The following SRBD1 variants were observed in gnomAD, a reference collection of about 807,000 sequenced individuals.
SRBD1 encodes S1 RNA-binding domain-containing protein 1.
In SRBD1, 88 loss-of-function variants were observed where a neutral mutation model predicts 115.3. That is an observed-to-expected ratio of 0.76 (90% CI 0.64 to 0.91). SRBD1 has a LOEUF of 0.91. Ranked by LOEUF, SRBD1 falls within the 40% of genes least tolerant of loss-of-function variation. The pLI is 0.00. For missense variants in SRBD1, 1,385 were observed against 1,177.4 expected (o/e 1.18, Z -2.58); for synonymous variants, 509 against 407.7 (o/e 1.25, Z -2.99).
chr2:45,545,033 C>A (rs181369656), intron 14 of SRBD1, among the ~76,000 whole-genome samples: 2 of 152,078 alleles, frequency 1.3e-5, no homozygotes, highest in East Asian at 1.9e-4. Context: ...GTAATCGCAG[C>A]ACTTTGGGAG....
chr2:45,585,404 T>C (rs1673486770), intron 5 of SRBD1, among the ~76,000 whole-genome samples: 1 of 152,210 alleles, frequency 6.6e-6, no homozygotes, highest in Non-Finnish European at 1.5e-5. Context: ...AATGACCTTT[T>C]TGCTAATACA....
intron 14 of SRBD1, among the ~76,000 whole-genome samples, chr2:45,536,387 G>A (rs1306627814): frequency 1.3e-5 from 2 of 151,686 alleles, no homozygotes; most frequent in African/African-American, 4.8e-5. Flanking sequence ...TACTCTAATA[G>A]GTAGAAGACT....
Position 45,561,061 on chromosome 2 carries a change from A to G in SRBD1, c.1409+1592T>C, listed in dbSNP as rs1572778106. ...GATTGAGGCTGTAGTGAGCTATGAT[A>G]GCACCTGTGTGCTCCAGCCTAGGCA... On this transcript the variant is annotated intron_variant, in intron 10 of 20. Coordinates refer to ENST00000263736, the MANE Select transcript of SRBD1 (RefSeq NM_018079.5). 3.3e-5 allele frequency among the ~76,000 whole-genome samples: 5 copies of G among 152,264 alleles called. No individual in the cohort carries two copies. The South Asian group carries it at 1.0e-3, about 32-fold the overall frequency.
In SRBD1 at chr2:45,546,800, C is replaced by G. The variant is rs1405301062; in HGVS notation, c.1806G>C (p.Arg602Ser). The G allele has an allele frequency of 6.2e-7, 1 of 1,614,068 alleles. No individual in the cohort carries two copies. ...GGTCAGCAAAGTAAGCTTCTGTTTCCCTGCAGGCAGTTCCATTTCCAATCA... is the reference window on the plus strand; with the variant it reads ...GGTCAGCAAAGTAAGCTTCTGTTTCGCTGCAGGCAGTTCCATTTCCAATCA... The part of the protein sequence containing the change: ...TVVIGNGTAC[R>S]ETEAYFADLI... Residue 602 changes from arginine to serine, a missense_variant, in exon 14 of 21, where the codon AGG (arginine) becomes AGC (serine). By Grantham distance (110) the Arg-to-Ser change is moderately radical. Coordinates refer to ENST00000263736, the MANE Select transcript of SRBD1 (RefSeq NM_018079.5).
At position 45,581,826 on chromosome 2, in the gene SRBD1, T is replaced by G; in HGVS notation, c.816-16A>C. The stretch of plus-strand genomic sequence containing the variant: ...TGCAACAGCCCTGAAAAGAGAAACT[T>G]TTGTAATATACCAAAACTGTATGTC... On this transcript the variant is annotated splice_polypyrimidine_tract_variant and intron_variant, in intron 5 of 20. Coordinates refer to ENST00000263736, the MANE Select transcript of SRBD1 (RefSeq NM_018079.5). 6.8e-7 allele frequency: 1 copy of G among 1,469,368 alleles called. No homozygotes were observed. The highest frequency in any genetic ancestry group is 9.2e-7 in the Non-Finnish European group (1 of 1,092,752). 91.0% of individuals were successfully genotyped at this position (1,469,368 alleles called of 1,614,324 possible).
Position 45,602,007 on chromosome 2 carries a change from G to C in SRBD1, c.157C>G (p.Gln53Glu), listed in dbSNP as rs781368300. ...PQKKVPRSRK[Q>E]PPPKESKPKR... ...GGTTTGGATTCCTTGGGAGGGGGCT[G>C]TTTACGGCTTCTGGGAACTTTCTTT... The change falls in exon 3 of 21, where the codon CAG (glutamine) becomes GAG (glutamate). Residue 53 changes from glutamine to glutamate, a missense_variant. By Grantham distance (29) the Gln-to-Glu change is conservative. Coordinates refer to ENST00000263736, the MANE Select transcript of SRBD1 (RefSeq NM_018079.5). 1.8e-5 allele frequency: 29 copies of C among 1,614,076 alleles called. No homozygotes were observed. The African/African-American group carries it at 3.3e-4, about 19-fold the overall frequency.
intron 16 of SRBD1, among the ~76,000 whole-genome samples, chr2:45,464,012 C>T (rs1669404819): frequency 6.6e-6 from 1 of 151,940 alleles, no homozygotes; most frequent in African/African-American, 2.4e-5. Context: ...CATTGTAAGT[C>T]CTAATTACTG....
chr2:45,435,227 T>C (rs532617473), intron 16 of SRBD1, among the ~76,000 whole-genome samples: 3 of 152,262 alleles, frequency 2.0e-5, no homozygotes, highest in Non-Finnish European at 2.9e-5. Flanking sequence ...AGTGAATATA[T>C]GGCAACCAAT....
chr2:45,437,911 T>C (rs10208373), intron 16 of SRBD1, among the ~76,000 whole-genome samples: 122,090 of 152,122 alleles, frequency 0.8, 49,762 homozygotes, highest in African/African-American at 0.93. Flanking sequence ...TTGATATGGA[T>C]TTTGTTAAAA....
chr2:45,454,875 G>A (rs564828654), intron 16 of SRBD1, among the ~76,000 whole-genome samples: 2 of 151,798 alleles, frequency 1.3e-5, no homozygotes, highest in African/African-American at 2.4e-5. Flanking sequence ...TGAATCAACA[G>A]AATAATCACA....
chr2:45,546,210 C>T, intron 14 of SRBD1: 5 of 985,354 alleles, frequency 5.1e-6, no homozygotes, highest in Non-Finnish European at 6.0e-6. Context: ...CTTTCTAATC[C>T]AAAGCTATTC....
At chr2:45,401,892 T>C (rs1377543242) in intron 19 of SRBD1, among the ~76,000 whole-genome samples, 1 of 152,190 alleles carries the variant, frequency 6.6e-6, no homozygotes, top group Non-Finnish European at 1.5e-5. Context: ...CAGTCACTTA[T>C]TAGTTAGAAG....
At chr2:45,531,549 A>G (rs1671612756) in intron 14 of SRBD1, among the ~76,000 whole-genome samples, 1 of 151,466 alleles carries the variant, frequency 6.6e-6, no homozygotes, top group Admixed American at 6.6e-5. Flanking sequence ...TACAGTAAAG[A>G]CGATAGGAAT....
chr2:45,509,539 T>C (rs972580854), intron 14 of SRBD1, among the ~76,000 whole-genome samples: 5 of 134,686 alleles, frequency 3.7e-5, no homozygotes, highest in African/African-American at 1.3e-4. Context: ...GAGCTGGCAG[T>C]GAGCAGAGAT....
At chr2:45,509,151 C>T (rs1670885338) in intron 14 of SRBD1, among the ~76,000 whole-genome samples, 1 of 152,132 alleles carries the variant, frequency 6.6e-6, no homozygotes, top group African/African-American at 2.4e-5. Context: ...ACCTACTTCT[C>T]CAAATCATCT....
rs1674026805 is a variant in SRBD1, at chr2:45,599,634, G to A, written c.463C>T (p.Pro155Ser). 2 of 1,614,176 alleles carry A rather than the reference G, an allele frequency of 1.2e-6. No individual in the cohort carries two copies. Among genetic ancestry groups the A allele is most frequent in the East Asian group, 2.2e-5 (1 of 44,884 alleles). The part of the protein sequence containing the change: ...LEGESNSSET[P>S]STSTVWGGTC... ...CCTCCCCACACAGTGCTTGTGGATG[G>A]TGTCTCTGAACTATTACTCTCACCC... Residue 155 changes from proline (P) to serine (S), a missense_variant, in exon 4 of 21, where the codon CCA becomes TCA. Transcript: ENST00000263736.
chr2:45,410,933 T>G (rs1317746608), intron 19 of SRBD1, among the ~76,000 whole-genome samples: 1 of 152,214 alleles, frequency 6.6e-6, no homozygotes, highest in South Asian at 2.1e-4. Context: ...CTTCTTCATC[T>G]GGCTGTTCAT....
chr2:45,477,902 T>C (rs1350280687), intron 15 of SRBD1, among the ~76,000 whole-genome samples: 1 of 152,098 alleles, frequency 6.6e-6, no homozygotes, highest in African/African-American at 2.4e-5. Flanking sequence ...TCAAGAAACT[T>C]TAGAGTTAAT....
intron 16 of SRBD1, among the ~76,000 whole-genome samples, chr2:45,426,344 G>C (rs1349632655): frequency 1.3e-5 from 2 of 152,226 alleles, no homozygotes; most frequent in Non-Finnish European, 2.9e-5. Context: ...AAGGCAGCAG[G>C]CCCAGTCAGG....
Sources: allele counts gnomAD v4.1 joint callset (sites outside exome capture counted in the v4.1 genomes callset), GRCh38; gene constraint gnomAD v4.1.1; transcripts MANE v1.5; gene names NCBI Gene and HGNC (gene_info 2026-07-23, HGNC 2026-07-21).